The following GMDS variants were observed in gnomAD, a reference collection of about 807,000 sequenced individuals.
GMDS encodes GDP-mannose 4,6-dehydratase.
A neutral mutation model predicts 49.9 loss-of-function variants in GMDS; 20 were observed. That is an observed-to-expected ratio of 0.40 (90% CI 0.28 to 0.58). GMDS has a LOEUF of 0.58. Among genes scored for constraint, GMDS ranks in the 20% least tolerant of loss-of-function variants. The pLI is 0.42. For synonymous variants in GMDS, 177 were observed against 178.6 expected (o/e 0.99, Z 0.07); for missense variants, 362 against 481.4 (o/e 0.75, Z 2.32).
chr6:1,781,083 C>T (rs572244657), intron 7 of GMDS, among the ~76,000 whole-genome samples: 17 of 152,074 alleles, frequency 1.1e-4, no homozygotes, highest in South Asian at 8.4e-4. Flanking sequence ...TGGGAAAACA[C>T]GATTGCAAGA....
At chr6:1,890,608 C>T (rs968286746) in intron 7 of GMDS, among the ~76,000 whole-genome samples, 1 of 151,952 alleles carries the variant, frequency 6.6e-6, no homozygotes, top group Admixed American at 6.6e-5. Flanking sequence ...TCCATTGTTG[C>T]TTGTGCTTTA....
Position 1,988,476 on chromosome 6 carries a change from G to A in GMDS, c.346-27510C>T, listed in dbSNP as rs138080243. Among the ~76,000 whole-genome samples the A allele has an allele frequency of 2.4e-4, 36 of 152,162 alleles. 1 individual carries two copies. In the East Asian group the frequency reaches 6.2e-3, roughly 26 times the overall value. ...GCTCCTTCTTGGCGGTGGGGGCGAG[G>A]GGGGCTCCAAACCCAGGGTGCTCCA... is the stretch of plus-strand genomic sequence containing the variant. On this transcript the variant is annotated intron_variant, in intron 4 of 10. Transcript: ENST00000380815.
intron 7 of GMDS, among the ~76,000 whole-genome samples, chr6:1,785,300 A>G (rs989497665): frequency 1.3e-5 from 2 of 152,224 alleles, no homozygotes; most frequent in South Asian, 2.1e-4. Flanking sequence ...AAAAAATAAA[A>G]AAGAGCTCTA....
intron 4 of GMDS, among the ~76,000 whole-genome samples, chr6:2,002,271 G>A (rs1766866386): frequency 6.6e-6 from 1 of 152,180 alleles, no homozygotes; most frequent in African/African-American, 2.4e-5. Context: ...CAGTGTCTCT[G>A]CCCTCAGGGC....
Position 1,743,528 on chromosome 6 carries a change from A to G in GMDS, c.772-942T>C, listed in dbSNP as rs1380524530. On this transcript the variant is annotated intron_variant, in intron 7 of 10. Coordinates refer to ENST00000380815, the MANE Select transcript of GMDS (RefSeq NM_001500.4). ...ACTGCACTCCAGCCTGGACGACAGA[A>G]CCAGACTCCATCTCAAAAAAAAAAA... Among the ~76,000 whole-genome samples the G allele has an allele frequency of 7.4e-4, 88 of 118,612 alleles. No homozygotes were observed. The East Asian group carries it at 0.013, about 17-fold the overall frequency. The allele number at this position is 118,612 out of a possible 152,430, so 77.8% of individuals were successfully genotyped here.
chr6:1,814,342 G>T (rs566064016), intron 7 of GMDS, among the ~76,000 whole-genome samples: 1 of 152,230 alleles, frequency 6.6e-6, no homozygotes, highest in African/African-American at 2.4e-5. Context: ...TTTTCTAAAA[G>T]AGGTGTGCAT....
intron 4 of GMDS, among the ~76,000 whole-genome samples, chr6:2,113,886 C>T (rs747201178): frequency 1.8e-4 from 27 of 152,074 alleles, no homozygotes; most frequent in Non-Finnish European, 1.0e-4. Flanking sequence ...GCCATTTCCG[C>T]CCATTAACTA....
intron 7 of GMDS, among the ~76,000 whole-genome samples, chr6:1,890,837 T>C (rs908902348): frequency 2.6e-5 from 4 of 152,210 alleles, no homozygotes; most frequent in Non-Finnish European, 1.5e-5. Context: ...TAAGGTTCAA[T>C]GGTGTTTTCA....
intron 4 of GMDS, among the ~76,000 whole-genome samples, chr6:1,982,196 C>T (rs1243829784): frequency 6.6e-6 from 1 of 152,074 alleles, no homozygotes; most frequent in African/African-American, 2.4e-5. Flanking sequence ...ATCCTAGCTA[C>T]TTGGTAGGCT....
chr6:2,235,914 C>T (rs1006422126), intron 1 of GMDS, among the ~76,000 whole-genome samples: 2 of 151,870 alleles, frequency 1.3e-5, no homozygotes, highest in Non-Finnish European at 2.9e-5. Context: ...TGTTGGGAGC[C>T]AGTTCTCTAT....
chr6:2,163,903 G>A (rs1396889885), intron 1 of GMDS, among the ~76,000 whole-genome samples: 2 of 152,176 alleles, frequency 1.3e-5, no homozygotes, highest in South Asian at 2.1e-4. Flanking sequence ...TGGGGCTCCC[G>A]TCACAAATGC....
At chr6:2,153,540 T>G (rs117533991) in intron 1 of GMDS, among the ~76,000 whole-genome samples, 2 of 152,078 alleles carry the variant, frequency 1.3e-5, no homozygotes, top group East Asian at 3.9e-4. Flanking sequence ...GAACAGGCAA[T>G]TAAGAGAAAT....
chr6:2,006,161 C>T (rs187573300), intron 4 of GMDS, among the ~76,000 whole-genome samples: 17 of 152,096 alleles, frequency 1.1e-4, no homozygotes, highest in Admixed American at 5.2e-4. Flanking sequence ...GTGGTTCACG[C>T]CTGCAATCAC....
At chr6:1,709,836 A>C (rs1039641123) in intron 9 of GMDS, among the ~76,000 whole-genome samples, 2 of 152,238 alleles carry the variant, frequency 1.3e-5, no homozygotes, top group Admixed American at 1.3e-4. Context: ...GGGAGAAAAC[A>C]AATGTCTCTT....
chr6:2,146,982 C>T (rs1352286997), intron 1 of GMDS, among the ~76,000 whole-genome samples: 1 of 152,142 alleles, frequency 6.6e-6, no homozygotes, highest in East Asian at 1.9e-4. Context: ...AAGAACGGTG[C>T]ATCCCAAGGG....
chr6:1,786,057 G>A lies in GMDS; in HGVS notation c.772-43471C>T, dbSNP rs116429437. ...AAAAAAAAATTCACGTAAAACCAGC[G>A]TGCTGCTGCTTCAGCGTGATATTCC... On this transcript the variant is annotated intron_variant, in intron 7 of 10. Transcript: ENST00000380815. Among the ~76,000 whole-genome samples the A allele has an allele frequency of 4.9e-3, 750 of 152,302 alleles. 5 individuals are homozygous for A. Among genetic ancestry groups the A allele is most frequent in the African/African-American group, 0.017 (706 of 41,552 alleles).
chr6:2,105,620 G>A (rs935693538), intron 4 of GMDS, among the ~76,000 whole-genome samples: 2 of 152,174 alleles, frequency 1.3e-5, no homozygotes, highest in Non-Finnish European at 2.9e-5. Flanking sequence ...AATAATGTGG[G>A]TTGACAGTCT....
At chr6:2,075,702 T>A (rs1772297007) in intron 4 of GMDS, among the ~76,000 whole-genome samples, 1 of 152,210 alleles carries the variant, frequency 6.6e-6, no homozygotes, top group African/African-American at 2.4e-5. Flanking sequence ...TTGTGAATAG[T>A]GCTGCAATAA....
In GMDS at chr6:1,630,053, T is replaced by C. The variant is rs144446854; in HGVS notation, c.988-5513A>G. 4.6e-5 allele frequency among the ~76,000 whole-genome samples: 7 copies of C among 152,346 alleles called. No homozygotes were observed. The East Asian group carries it at 1.3e-3, about 29-fold the overall frequency. The stretch of plus-strand genomic sequence containing the variant: ...AATGGCATGTATAGTGCAACCTACA[T>C]ATAAATGGATCTTTTTTCATTTATA... On this transcript the variant is annotated intron_variant, in intron 9 of 10. Transcript: ENST00000380815.
Sources: allele counts gnomAD v4.1 joint callset (sites outside exome capture counted in the v4.1 genomes callset), GRCh38; gene constraint gnomAD v4.1.1; transcripts MANE v1.5; gene names NCBI Gene and HGNC (gene_info 2026-07-23, HGNC 2026-07-21).